STXBP5L: variants seen among roughly 807,000 people sequenced by gnomAD.
STXBP5L encodes the protein syntaxin binding protein 5L.
STXBP5L carries 65 observed loss-of-function variants against 144.5 expected under a neutral mutation model. That is an observed-to-expected ratio of 0.45 (90% CI 0.37 to 0.55). STXBP5L has a LOEUF of 0.55. Ranked by LOEUF, STXBP5L falls within the 20% of genes least tolerant of loss-of-function variation. The pLI, the probability that STXBP5L is intolerant of heterozygous loss-of-function variation, is 0.00. For synonymous variants in STXBP5L, 505 were observed against 469.6 expected, an observed-to-expected ratio of 1.08 and a Z score of -0.97; for missense variants, 1,298 against 1,405.5, an observed-to-expected ratio of 0.92 and a Z score of 1.22.
At chr3:121,187,465 G>C (rs1205993376) in intron 9 of STXBP5L, among the ~76,000 whole-genome samples, 3 of 151,292 alleles carry the variant, frequency 2.0e-5, no homozygotes, top group Admixed American at 6.6e-5. Context: ...GTTAAACGAA[G>C]AGTTAATGGG....
chr3:121,280,500 A>G (rs904405251), intron 19 of STXBP5L, among the ~76,000 whole-genome samples: 5 of 151,942 alleles, frequency 3.3e-5, no homozygotes, highest in East Asian at 1.9e-4. Flanking sequence ...ACTATGACAG[A>G]TGGCATTTTT....
At chr3:120,932,940 C>T (rs9883257) in intron 2 of STXBP5L, among the ~76,000 whole-genome samples, 27,932 of 150,652 alleles carry the variant, frequency 0.19, 3,224 homozygotes, top group Non-Finnish European at 0.26. Context: ...AGTAAACTAT[C>T]GCAAGGACAA....
intron 14 of STXBP5L, among the ~76,000 whole-genome samples, chr3:121,247,662 T>A (rs1170510162): frequency 6.6e-6 from 1 of 152,250 alleles, no homozygotes; most frequent in Non-Finnish European, 1.5e-5. Flanking sequence ...CACTCTTTTT[T>A]TATGGCTGTG....
intron 2 of STXBP5L, among the ~76,000 whole-genome samples, chr3:120,914,323 T>C (rs1209954939): frequency 6.6e-6 from 1 of 152,066 alleles, no homozygotes; most frequent in African/African-American, 2.4e-5. Context: ...ATTAGCCAAC[T>C]CACTATTCAT....
chr3:121,077,235 C>T (rs1324118345), intron 5 of STXBP5L, among the ~76,000 whole-genome samples: 10 of 152,178 alleles, frequency 6.6e-5, no homozygotes, highest in South Asian at 6.2e-4. Context: ...TCTCCACTCC[C>T]GGATGGGTCC....
intron 20 of STXBP5L, among the ~76,000 whole-genome samples, chr3:121,338,917 C>T (rs2044607846): frequency 6.6e-6 from 1 of 151,972 alleles, no homozygotes; most frequent in African/African-American, 2.4e-5. Context: ...CAAAGTTGTC[C>T]TCCTAAAAAA....
chr3:121,104,952 C>T (rs965085180), intron 5 of STXBP5L, among the ~76,000 whole-genome samples: 1 of 152,166 alleles, frequency 6.6e-6, no homozygotes. Flanking sequence ...AGGCAACCCA[C>T]AGAGTGGGAG....
chr3:120,909,886 G>A, intron 2 of STXBP5L, 119 bp downstream of exon 2: 1 of 1,069,678 alleles, frequency 9.3e-7, no homozygotes, highest in Non-Finnish European at 1.3e-6. Context: ...AGAGTCTGCT[G>A]CAGAAAGCTC....
intron 5 of STXBP5L, among the ~76,000 whole-genome samples, chr3:121,070,443 A>AG (rs1489205821): frequency 6.6e-6 from 1 of 152,206 alleles, no homozygotes; most frequent in African/African-American, 2.4e-5. Context: ...CTTGAGTGTA[A>AG]GGGGGGTGTC....
intron 10 of STXBP5L, among the ~76,000 whole-genome samples, chr3:121,215,118 C>T (rs771966582): frequency 9.2e-5 from 14 of 151,958 alleles, no homozygotes; most frequent in Admixed American, 1.3e-4. Flanking sequence ...GATGGGTCTC[C>T]GTAATACAGC....
chr3:120,938,549 T>G (rs2107644054), intron 2 of STXBP5L, among the ~76,000 whole-genome samples: 1 of 152,340 alleles, frequency 6.6e-6, no homozygotes, highest in African/African-American at 2.4e-5. Flanking sequence ...CATTTGGTTA[T>G]TATCCTGTGG....
Position 120,932,183 on chromosome 3 carries a change from A to G in STXBP5L, c.189+22416A>G, listed in dbSNP as rs1404916470. On this transcript the variant is annotated intron_variant, in intron 2 of 26. Coordinates refer to ENST00000471454, the MANE Select transcript of STXBP5L (RefSeq NM_001308330.2). ...GTATTATAATTTTATGGGTCCACCC[A>G]TAATAAGTAGTCCATTGTTGACCAA... 2.6e-5 allele frequency among the ~76,000 whole-genome samples: 4 copies of G among 152,326 alleles called. No homozygotes were observed. The East Asian group carries it at 5.8e-4, about 22-fold the overall frequency.
chr3:121,001,933 C>T (rs1215265123), intron 3 of STXBP5L, among the ~76,000 whole-genome samples: 1 of 152,308 alleles, frequency 6.6e-6, no homozygotes, highest in African/African-American at 2.4e-5. Context: ...TATGCATTCA[C>T]CACATTTTTT....
rs553906976 is a variant in STXBP5L at position 120,975,805 on chromosome 3, G to A, written c.287+20768G>A. Among the ~76,000 whole-genome samples the A allele has an allele frequency of 3.9e-5, 6 of 152,200 alleles. No individual in the cohort carries two copies. In the East Asian group the frequency reaches 9.6e-4, roughly 24 times the overall value. On this transcript the variant is annotated intron_variant, in intron 3 of 26. Coordinates refer to ENST00000471454, the MANE Select transcript of STXBP5L (RefSeq NM_001308330.2). ...TTTCTGCATCTATTGAGATAATCATGTGGTTTTTGTCTTTGGTTCTGTTTA... is the reference window on the plus strand; with the variant it reads ...TTTCTGCATCTATTGAGATAATCATATGGTTTTTGTCTTTGGTTCTGTTTA...
At chr3:121,304,689 A>C (rs1329011340) in intron 19 of STXBP5L, among the ~76,000 whole-genome samples, 2 of 152,116 alleles carry the variant, frequency 1.3e-5, no homozygotes, top group Non-Finnish European at 1.5e-5. Context: ...CAACATATCA[A>C]AATTTATGAG....
chr3:121,320,036 T>C (rs944799616), intron 20 of STXBP5L, among the ~76,000 whole-genome samples: 1 of 152,350 alleles, frequency 6.6e-6, no homozygotes, highest in East Asian at 1.9e-4. Flanking sequence ...CATATAACTT[T>C]TATAAAGAAT....
At chr3:120,915,163 C>T (rs1355243807) in intron 2 of STXBP5L, among the ~76,000 whole-genome samples, 3 of 152,088 alleles carry the variant, frequency 2.0e-5, no homozygotes, top group Non-Finnish European at 4.4e-5. Context: ...TTGTATTTCT[C>T]ATACATACAG....
intron 15 of STXBP5L, among the ~76,000 whole-genome samples, chr3:121,254,395 A>G (rs1432613090): frequency 6.6e-6 from 1 of 152,172 alleles, no homozygotes; most frequent in African/African-American, 2.4e-5. Context: ...CAATATTGCT[A>G]ACTGGTAAAT....
At chr3:121,112,653 G>A (rs9829512) in intron 5 of STXBP5L, among the ~76,000 whole-genome samples, 3,057 of 151,772 alleles carry the variant, frequency 0.02, 93 homozygotes, top group African/African-American at 0.067. Flanking sequence ...AGAGTTATTC[G>A]GTGAAGATTG....
Sources: gnomAD v4.1 joint callset for allele counts (sites outside exome capture counted in the v4.1 genomes callset) on GRCh38, gnomAD v4.1.1 for gene constraint, MANE v1.5 for transcripts, NCBI Gene and HGNC (gene_info 2026-07-23, HGNC 2026-07-21) for gene names.